GMCL1: variants seen among roughly 807,000 people sequenced by gnomAD.
The protein encoded by GMCL1 is germ cell-less protein-like 1.
A neutral mutation model predicts 75.5 loss-of-function variants in GMCL1; 54 were observed. The observed-to-expected ratio is 0.71, with a 90% confidence interval of 0.57 to 0.90. The LOEUF is 0.90. Among genes scored for constraint, GMCL1 ranks in the 40% least tolerant of loss-of-function variants. The pLI, the probability that GMCL1 is intolerant of heterozygous loss-of-function variation, is 0.00. For synonymous variants in GMCL1, 210 were observed against 209.6 expected, an observed-to-expected ratio of 1.00 and a Z score of -0.02; for missense variants, 537 against 622.7, an observed-to-expected ratio of 0.86 and a Z score of 1.47.
intron 1 of GMCL1, among the ~76,000 whole-genome samples, 160 bp downstream of exon 1, chr2:69,830,312 G>A (rs986612833): frequency 6.6e-6 from 1 of 152,244 alleles, no homozygotes; most frequent in Admixed American, 6.5e-5. Flanking sequence ...GATGCGGGGC[G>A]GACTGGGGAG....
At chr2:69,863,718 G>A (rs1328742918) in intron 10 of GMCL1, among the ~76,000 whole-genome samples, 1 of 152,194 alleles carries the variant, frequency 6.6e-6, no homozygotes, top group Non-Finnish European at 1.5e-5. Flanking sequence ...TACAAGAGCA[G>A]TTGAAACTTT....
At chr2:69,830,705 A>C (rs1300893426) in intron 1 of GMCL1, among the ~76,000 whole-genome samples, 2 of 150,090 alleles carry the variant, frequency 1.3e-5, no homozygotes, top group Non-Finnish European at 2.9e-5. Flanking sequence ...TAGTTGATGA[A>C]GTCGTTGACC....
intron 11 of GMCL1, among the ~76,000 whole-genome samples, chr2:69,869,050 C>T (rs1369939818): frequency 1.3e-5 from 2 of 151,414 alleles, no homozygotes; most frequent in African/African-American, 2.4e-5. Context: ...GTCGGGAGTT[C>T]GAGACCAGCC....
intron 4 of GMCL1, among the ~76,000 whole-genome samples, chr2:69,842,078 T>A (rs1675004428): frequency 6.6e-6 from 1 of 152,176 alleles, no homozygotes; most frequent in Non-Finnish European, 1.5e-5. Flanking sequence ...ATGTGACAGA[T>A]GAATTGAAGG....
chr2:69,850,110 A>G (rs1280640678), intron 8 of GMCL1, among the ~76,000 whole-genome samples: 1 of 152,190 alleles, frequency 6.6e-6, no homozygotes, highest in Non-Finnish European at 1.5e-5. Context: ...ATACCCCGTC[A>G]GGCAACCATT....
chr2:69,868,559 A>AT (rs1434390482), intron 11 of GMCL1, among the ~76,000 whole-genome samples: 1 of 150,970 alleles, frequency 6.6e-6, no homozygotes, highest in African/African-American at 2.4e-5. Flanking sequence ...TTTTATTTTT[A>AT]TTTTTATTTT....
Position 69,854,933 on chromosome 2 carries a change from A to G in GMCL1, c.1045A>G (p.Ile349Val), listed in dbSNP as rs2103996973. The G allele has an allele frequency of 6.2e-7, 1 of 1,608,240 alleles. No homozygotes were observed. The highest frequency in any genetic ancestry group is 2.2e-5 in the East Asian group (1 of 44,584). ...CAGTGATCTGGCTTCTGCAAGAATT[A>G]TTGAACAAGATGCTGTAGTACCTTC... ...IISDLASARI[I>V]EQDAVVPSEW... The change falls in exon 9 of 14, where the codon ATT becomes GTT. Residue 349 changes from isoleucine to valine, a missense_variant. Physicochemically the swap from Ile to Val is conservative, Grantham distance 29. Coordinates refer to ENST00000282570, the MANE Select transcript of GMCL1 (RefSeq NM_178439.5).
At chr2:69,850,859 GTATAATA>G (rs1675298634) in intron 8 of GMCL1, among the ~76,000 whole-genome samples, 1 of 152,142 alleles carries the variant, frequency 6.6e-6, no homozygotes, top group South Asian at 2.1e-4. Context: ...ACACGCCACT[GTATAATA>G]TATCATTTTG....
rs1251218344 is a variant in GMCL1 at position 69,879,630 on chromosome 2, T to G, written c.*626T>G. 1 of 152,222 alleles carries G rather than the reference T, an allele frequency of 6.6e-6. No individual in the cohort carries two copies. The highest frequency in any genetic ancestry group is 1.5e-5 in the Non-Finnish European group (1 of 68,026). 9.4% of individuals were successfully genotyped at this position (152,222 alleles called of 1,614,324 possible). A position where few individuals can be genotyped will look rare whatever the true frequency, so the allele number is the denominator to read the frequency against. On this transcript the variant is annotated 3_prime_UTR_variant, in exon 14 of 14. Coordinates refer to ENST00000282570, the MANE Select transcript of GMCL1 (RefSeq NM_178439.5). ...TAAGCTGATAAACTTTTTTTAAAAC[T>G]TAAGCATTGTCATTGCTATTTTTTT...
At chr2:69,863,147 G>A (rs1226955286) in intron 10 of GMCL1, among the ~76,000 whole-genome samples, 1 of 152,146 alleles carries the variant, frequency 6.6e-6, no homozygotes, top group Non-Finnish European at 1.5e-5. Flanking sequence ...TAGTCCCGCA[G>A]TTAGTTGACC....
At chr2:69,864,123 A>G (rs1165402730) in intron 10 of GMCL1, among the ~76,000 whole-genome samples, 3 of 152,060 alleles carry the variant, frequency 2.0e-5, no homozygotes, top group Non-Finnish European at 4.4e-5. Flanking sequence ...ATTTATGTCT[A>G]GTTCCCTACT....
chr2:69,862,195 A>T (rs1277490727), intron 10 of GMCL1, among the ~76,000 whole-genome samples: 1 of 152,146 alleles, frequency 6.6e-6, no homozygotes, highest in Non-Finnish European at 1.5e-5. Context: ...CTTAATATAT[A>T]GGTATTGTGG....
chr2:69,874,491 C>T (rs981106088), intron 13 of GMCL1, among the ~76,000 whole-genome samples: 4 of 152,024 alleles, frequency 2.6e-5, no homozygotes, highest in African/African-American at 7.2e-5. Flanking sequence ...TCAAGTAATC[C>T]ACCTGCCTTG....
rs767967737 is a variant in GMCL1, at chr2:69,844,115, T to C, written c.693-16T>C. The C allele has an allele frequency of 5.9e-6, 8 of 1,352,340 alleles. No homozygotes were observed. Among genetic ancestry groups the C allele is most frequent in the South Asian group, 4.0e-5 (3 of 74,252 alleles). 83.8% of individuals were successfully genotyped at this position (1,352,340 alleles called of 1,614,324 possible). On this transcript the variant is annotated splice_polypyrimidine_tract_variant and intron_variant, in intron 5 of 13. Transcript: ENST00000282570. ...TACATGGCATATAATGTAATAATTA[T>C]ATATTTTAATTTCAGGTGCCTTGAA...
chr2:69,857,790 A>ACTTGTAGG (rs1159264965), intron 9 of GMCL1, among the ~76,000 whole-genome samples: 1 of 152,174 alleles, frequency 6.6e-6, no homozygotes, highest in Non-Finnish European at 1.5e-5. Context: ...AAGTTGTTCA[A>ACTTGTAGG]CTTGTAGGCT....
intron 11 of GMCL1, among the ~76,000 whole-genome samples, chr2:69,867,559 C>T (rs546556129): frequency 6.6e-6 from 1 of 152,296 alleles, no homozygotes; most frequent in East Asian, 1.9e-4. Context: ...ACCTTTCTGA[C>T]CACATTTCTA....
At chr2:69,849,540 G>A (rs770757855) in intron 7 of GMCL1, 112 bp from the exon 8 acceptor site, 4 of 615,308 alleles carry the variant, frequency 6.5e-6, no homozygotes, top group Non-Finnish European at 8.1e-6. Flanking sequence ...TGGTAAAGTA[G>A]AAGTTAAATT....
intron 13 of GMCL1, among the ~76,000 whole-genome samples, chr2:69,874,126 A>G (rs939083969): frequency 6.6e-6 from 1 of 152,068 alleles, no homozygotes; most frequent in Non-Finnish European, 1.5e-5. Context: ...GGAAATATAC[A>G]TATATCTTTG....
chr2:69,851,014 C>T (rs905448454), intron 8 of GMCL1, among the ~76,000 whole-genome samples: 1 of 152,148 alleles, frequency 6.6e-6, no homozygotes. Context: ...GGTATGTTTC[C>T]TATTTTAATG....
Sources: allele counts gnomAD v4.1 joint callset (sites outside exome capture counted in the v4.1 genomes callset), GRCh38; gene constraint gnomAD v4.1.1; transcripts MANE v1.5; gene names NCBI Gene and HGNC (gene_info 2026-07-23, HGNC 2026-07-21).